The following COL5A2 variants were observed in gnomAD, a reference collection of about 807,000 sequenced individuals.
COL5A2 encodes the protein collagen alpha-2(V) chain.
COL5A2 carries 23 observed loss-of-function variants against 208.2 expected under a neutral mutation model. The ratio of observed to expected loss-of-function variants is 0.11; its 90% confidence interval spans 0.08 to 0.16. The LOEUF (loss-of-function observed/expected upper bound fraction) is 0.16, where lower values mean the gene tolerates loss of function less well. Among genes scored for constraint, COL5A2 ranks in the 10% least tolerant of loss-of-function variants. COL5A2 has a pLI of 1.00. For synonymous variants in COL5A2, 625 were observed against 628.5 expected, an observed-to-expected ratio of 0.99 and a Z score of 0.08; for missense variants, 1,590 against 1,956.4, an observed-to-expected ratio of 0.81 and a Z score of 3.53.
At chr2:189,315,579 A>G in the COL5A2 span, among the ~76,000 whole-genome samples, 4 of 152,278 alleles carry the variant, frequency 2.6e-5, no homozygotes, top group South Asian at 8.3e-4. Context: ...AGTTCTGGCC[A>G]GGACAATTGG....
the COL5A2 span, among the ~76,000 whole-genome samples, chr2:189,413,318 T>A: frequency 6.6e-6 from 1 of 152,146 alleles, no homozygotes; most frequent in Non-Finnish European, 1.5e-5. Flanking sequence ...AAACAGAGAA[T>A]ACTCCAGCAG....
chr2:189,253,418 T>C, the COL5A2 span, among the ~76,000 whole-genome samples: 1 of 152,240 alleles, frequency 6.6e-6, no homozygotes, highest in Non-Finnish European at 1.5e-5. Context: ...TTAAAGTCAA[T>C]ACTCCATACC....
chr2:189,064,600 C>T lies in COL5A2; in HGVS notation c.1673G>A (p.Gly558Glu). The change falls in exon 25 of 54, where the codon GGG becomes GAG. Residue 558 changes from glycine to glutamate, a missense_variant. Gly to Glu is a moderately conservative substitution (Grantham distance 98). Coordinates refer to ENST00000374866, the MANE Select transcript of COL5A2 (RefSeq NM_000393.5). Reference sequence around the variant, plus strand: ...AGGTTCCCCTGGACGTCCTGGATCCCCCTGGCTTCCTTTGGGTCCTGAAGA... The same window carrying T: ...AGGTTCCCCTGGACGTCCTGGATCCTCCTGGCTTCCTTTGGGTCCTGAAGA... ...VGSSGPKGSQ[G>E]DPGRPGEPGL... 6.2e-7 allele frequency: 1 copy of T among 1,613,986 alleles called. No individual in the cohort carries two copies. The highest frequency in any genetic ancestry group is 8.5e-7 in the Non-Finnish European group (1 of 1,179,994).
chr2:189,159,339 T>A (rs951602332), intron 1 of COL5A2, among the ~76,000 whole-genome samples: 1 of 152,208 alleles, frequency 6.6e-6, no homozygotes, highest in Non-Finnish European at 1.5e-5. Flanking sequence ...AGCCCACTTC[T>A]AATTCTTCTT....
chr2:189,052,724 T>C (rs1459614352), intron 40 of COL5A2, 25 bp downstream of exon 40: 1 of 1,612,398 alleles, frequency 6.2e-7, no homozygotes, highest in African/African-American at 1.3e-5. Context: ...CTGTGCATAC[T>C]TTGCAGAGCA....
At chr2:189,402,390 G>T in the COL5A2 span, among the ~76,000 whole-genome samples, 2 of 151,940 alleles carry the variant, frequency 1.3e-5, no homozygotes, top group African/African-American at 4.8e-5. Context: ...GTTAATTTTT[G>T]AATTTTTTTT....
chr2:189,099,974 T>A, intron 4 of COL5A2, 133 bp downstream of exon 4: 1 of 717,340 alleles, frequency 1.4e-6, no homozygotes, highest in Non-Finnish European at 2.4e-6. Context: ...GGTTTGCTTG[T>A]GTTATACTAA....
At chr2:189,423,752 C>A in the COL5A2 span, among the ~76,000 whole-genome samples, 3 of 152,042 alleles carry the variant, frequency 2.0e-5, no homozygotes, top group Non-Finnish European at 4.4e-5. Context: ...AAACCCAGGA[C>A]CTGGTGGCTT....
the COL5A2 span, among the ~76,000 whole-genome samples, chr2:189,323,427 G>T: frequency 7.0e-4 from 107 of 151,972 alleles, no homozygotes; most frequent in Admixed American, 3.9e-3. Context: ...AAACCCCATC[G>T]TCTCAGCCCA....
chr2:189,185,379 A>C (rs781706217), intron 1 of COL5A2, among the ~76,000 whole-genome samples: 1 of 152,254 alleles, frequency 6.6e-6, no homozygotes, highest in Non-Finnish European at 1.5e-5. Flanking sequence ...TATTATGCGA[A>C]GGCAAAGATA....
At chr2:189,292,208 C>T in the COL5A2 span, among the ~76,000 whole-genome samples, 1 of 152,088 alleles carries the variant, frequency 6.6e-6, no homozygotes, top group African/African-American at 2.4e-5. Context: ...GTATGGAAGA[C>T]CGCAGCTTAT....
chr2:189,077,949 G>C (rs1240439771), intron 16 of COL5A2, among the ~76,000 whole-genome samples: 1 of 152,142 alleles, frequency 6.6e-6, no homozygotes, highest in East Asian at 1.9e-4. Flanking sequence ...TCAGAGAATT[G>C]CGAAAAGAAT....
chr2:189,407,447 C>T, the COL5A2 span, among the ~76,000 whole-genome samples: 1 of 152,170 alleles, frequency 6.6e-6, no homozygotes, highest in East Asian at 1.9e-4. Context: ...AAGAGAGGTT[C>T]CCTACACATT....
chr2:189,348,848 C>G, the COL5A2 span, among the ~76,000 whole-genome samples: 179 of 152,270 alleles, frequency 1.2e-3, no homozygotes, highest in Admixed American at 3.2e-3. Context: ...ACAAACAAGA[C>G]AATTTATTAC....
chr2:189,109,004 G>T (rs1435190786), intron 2 of COL5A2, among the ~76,000 whole-genome samples: 1 of 148,870 alleles, frequency 6.7e-6, no homozygotes, highest in Admixed American at 6.7e-5. Flanking sequence ...TAAAATGATA[G>T]GTCAGAATTT....
At chr2:189,311,419 G>A in the COL5A2 span, 3 of 1,117,858 alleles carry the variant, frequency 2.7e-6, no homozygotes, top group Admixed American at 3.6e-5. Context: ...GGCGGTAGGT[G>A]GTGATCTCAG....
chr2:189,131,661 A>G (rs1687717800), intron 1 of COL5A2, among the ~76,000 whole-genome samples: 1 of 152,160 alleles, frequency 6.6e-6, no homozygotes, highest in South Asian at 2.1e-4. Context: ...AATATGTGAT[A>G]ATTTTTTGTG....
intron 1 of COL5A2, among the ~76,000 whole-genome samples, chr2:189,163,952 A>C (rs997812686): frequency 6.6e-6 from 1 of 152,196 alleles, no homozygotes; most frequent in Non-Finnish European, 1.5e-5. Context: ...CTTTTCTTTC[A>C]AATTATTTCA....
intron 1 of COL5A2, among the ~76,000 whole-genome samples, chr2:189,206,452 G>A (rs1488474274): frequency 6.6e-6 from 1 of 152,124 alleles, no homozygotes; most frequent in Non-Finnish European, 1.5e-5. Flanking sequence ...GCATGCTGAG[G>A]CACAAATAGT....
Sources: gnomAD v4.1 joint callset for allele counts (sites outside exome capture counted in the v4.1 genomes callset) on GRCh38, gnomAD v4.1.1 for gene constraint, MANE v1.5 for transcripts, NCBI Gene and HGNC (gene_info 2026-07-23, HGNC 2026-07-21) for gene names.